SORCS1: variants seen among roughly 807,000 people sequenced by gnomAD.
SORCS1 encodes the protein VPS10 domain-containing receptor SorCS1.
SORCS1 carries 60 observed loss-of-function variants against 146.1 expected under a neutral mutation model. The observed-to-expected ratio is 0.41, with a 90% CI of 0.33 to 0.51. SORCS1 has a LOEUF of 0.51. Ranked by LOEUF, SORCS1 falls within the 20% of genes least tolerant of loss-of-function variation. The pLI is 0.21. For synonymous variants in SORCS1, 637 were observed against 584.0 expected (o/e 1.09, Z -1.31); for missense variants, 1,352 against 1,487.6 (o/e 0.91, Z 1.50).
chr10:106,908,406 A>G (rs1031557679), intron 2 of SORCS1, among the ~76,000 whole-genome samples: 6 of 152,222 alleles, frequency 3.9e-5, no homozygotes, highest in African/African-American at 9.7e-5. Flanking sequence ...GTAACAGCCT[A>G]TCAACACTGA....
chr10:106,616,241 C>T (rs538009571), intron 21 of SORCS1, among the ~76,000 whole-genome samples: 1 of 152,000 alleles, frequency 6.6e-6, no homozygotes, highest in South Asian at 2.1e-4. Context: ...CATGCATAAC[C>T]AAGAGGACAT....
chr10:106,955,623 T>A (rs573215705), intron 2 of SORCS1, among the ~76,000 whole-genome samples: 1 of 152,298 alleles, frequency 6.6e-6, no homozygotes, highest in South Asian at 2.1e-4. Flanking sequence ...AGGGTGTGCA[T>A]GAGTGTGGGT....
At chr10:106,587,693 C>T (rs1845324123) in intron 24 of SORCS1, among the ~76,000 whole-genome samples, 1 of 152,170 alleles carries the variant, frequency 6.6e-6, no homozygotes, top group Admixed American at 6.5e-5. Context: ...CAGCAGCAGC[C>T]ATAGAGGCCA....
At chr10:106,986,455 T>C (rs1382273117) in intron 1 of SORCS1, among the ~76,000 whole-genome samples, 3 of 152,148 alleles carry the variant, frequency 2.0e-5, no homozygotes, top group African/African-American at 7.2e-5. Flanking sequence ...CCATAATTTA[T>C]TTTAGACAAG....
At chr10:107,094,304 G>C in intron 1 of SORCS1, among the ~76,000 whole-genome samples, 1 of 151,960 alleles carries the variant, frequency 6.6e-6, no homozygotes, top group East Asian at 1.9e-4. Flanking sequence ...ATCAAATAGA[G>C]AATCTTAAAT....
At chr10:106,622,230 C>T (rs1847794687) in intron 19 of SORCS1, among the ~76,000 whole-genome samples, 1 of 131,502 alleles carries the variant, frequency 7.6e-6, no homozygotes, top group East Asian at 2.5e-4. Flanking sequence ...GCAGAGGTTA[C>T]GGTGAGCCAA....
chr10:107,047,891 G>A (rs980042707), intron 1 of SORCS1, among the ~76,000 whole-genome samples: 1 of 152,000 alleles, frequency 6.6e-6, no homozygotes, highest in African/African-American at 2.4e-5. Context: ...GACCAGTCTG[G>A]GCAATGTGGT....
chr10:106,694,055 T>C lies in SORCS1; in HGVS notation c.1413+5159A>G, dbSNP rs1853504730. ...GAACATATTCATGGCCACAATTTCT[T>C]TGGGCTTTGTGGATGGGATATTTTT... On this transcript the variant is annotated intron_variant, in intron 9 of 25. Coordinates refer to ENST00000263054, the MANE Select transcript of SORCS1 (RefSeq NM_052918.5). Among the ~76,000 whole-genome samples the C allele has an allele frequency of 2.0e-5, 3 of 152,144 alleles. No individual in the cohort carries two copies. The South Asian group carries it at 6.2e-4, about 32-fold the overall frequency.
At chr10:107,143,999 C>T (rs2134742736) in intron 1 of SORCS1, among the ~76,000 whole-genome samples, 1 of 152,180 alleles carries the variant, frequency 6.6e-6, no homozygotes, top group South Asian at 2.1e-4. Context: ...CCAGCCTCAT[C>T]TCCCATCCCA....
At chr10:106,781,816 A>G (rs1382952487) in intron 3 of SORCS1, among the ~76,000 whole-genome samples, 1 of 152,176 alleles carries the variant, frequency 6.6e-6, no homozygotes, top group Non-Finnish European at 1.5e-5. Context: ...AGTGTTAGGG[A>G]AAGTTGAACA....
chr10:106,689,381 G>A (rs1367764792), intron 9 of SORCS1, among the ~76,000 whole-genome samples: 5 of 152,256 alleles, frequency 3.3e-5, no homozygotes, highest in East Asian at 3.9e-4. Flanking sequence ...TTCCAATGCT[G>A]CATGTACATT....
chr10:106,806,923 C>T (rs1947217823), intron 3 of SORCS1, among the ~76,000 whole-genome samples: 1 of 152,106 alleles, frequency 6.6e-6, no homozygotes, highest in African/African-American at 2.4e-5. Context: ...TACTATCATG[C>T]TATAAGTGGA....
At chr10:106,850,591 C>T (rs930861326) in intron 2 of SORCS1, among the ~76,000 whole-genome samples, 9 of 152,154 alleles carry the variant, frequency 5.9e-5, no homozygotes, top group African/African-American at 9.7e-5. Context: ...TGTTCCTATT[C>T]GGCCATCTTG....
chr10:106,610,426 G>A (rs949143609), intron 22 of SORCS1, among the ~76,000 whole-genome samples: 22 of 151,940 alleles, frequency 1.4e-4, no homozygotes, highest in African/African-American at 4.8e-4. Context: ...CTTATTTGGG[G>A]GATTAAATGT....
chr10:106,947,838 C>CAA lies in SORCS1; in HGVS notation c.626+8673_626+8674dup, dbSNP rs946945206. Among the ~76,000 whole-genome samples, 6 of 133,682 alleles carry CAA rather than the reference C, an allele frequency of 4.5e-5. No individual in the cohort carries two copies. In the South Asian group the frequency reaches 1.4e-3, roughly 31 times the overall value. 87.7% of individuals were successfully genotyped at this position (133,682 alleles called of 152,430 possible). Reference sequence around the variant, plus strand: ...TCTTCACAAGAGTGAAACTCCATCTCAAAAAAAAAAAAGAGAAAAAGAAAC... The same window carrying CAA: ...TCTTCACAAGAGTGAAACTCCATCTCAAAAAAAAAAAAAAGAGAAAAAGAAAC... On this transcript the variant is annotated intron_variant, in intron 2 of 25. Transcript: ENST00000263054.
chr10:106,743,525 A>C (rs966013581), intron 5 of SORCS1, among the ~76,000 whole-genome samples: 1 of 152,082 alleles, frequency 6.6e-6, no homozygotes, highest in African/African-American at 2.4e-5. Context: ...CCCAGGTTCA[A>C]GTGATTCTCC....
At chr10:106,605,865 G>C (rs781679142) in intron 23 of SORCS1, among the ~76,000 whole-genome samples, 2 of 152,164 alleles carry the variant, frequency 1.3e-5, no homozygotes, top group Non-Finnish European at 2.9e-5. Flanking sequence ...TGTGTGCTAG[G>C]AGGTGGGCCA....
intron 1 of SORCS1, among the ~76,000 whole-genome samples, chr10:107,045,608 A>C (rs1959306059): frequency 6.6e-6 from 1 of 152,158 alleles, no homozygotes; most frequent in Non-Finnish European, 1.5e-5. Flanking sequence ...CATTAGGCAG[A>C]GTTTGCAGAA....
chr10:107,127,899 G>T (rs542058403), intron 1 of SORCS1, among the ~76,000 whole-genome samples: 1 of 152,338 alleles, frequency 6.6e-6, no homozygotes, highest in African/African-American at 2.4e-5. Flanking sequence ...TACTAGCTGT[G>T]TGAACTTTGG....
Sources: gnomAD v4.1 joint callset for allele counts (sites outside exome capture counted in the v4.1 genomes callset) on GRCh38, gnomAD v4.1.1 for gene constraint, MANE v1.5 for transcripts, NCBI Gene and HGNC (gene_info 2026-07-23, HGNC 2026-07-21) for gene names.